NRXN1: variants seen among roughly 807,000 people sequenced by gnomAD.
NRXN1 encodes neurexin 1, also known as neurexin-1.
Under a neutral mutation model 150.9 loss-of-function variants are expected in NRXN1, and 39 were observed. The observed-to-expected ratio is 0.26, with a 90% CI of 0.20 to 0.34. The LOEUF is 0.34. Ranked by LOEUF, NRXN1 falls within the 10% of genes least tolerant of loss-of-function variation. The pLI, the probability that NRXN1 is intolerant of heterozygous loss-of-function variation, is 1.00. For synonymous variants in NRXN1, 924 were observed against 757.0 expected (o/e 1.22, Z -3.62); for missense variants, 1,815 against 1,949.9 (o/e 0.93, Z 1.30).
chr2:50,829,825 A>G, intron 5 of NRXN1: 1 of 1,357,962 alleles, frequency 7.4e-7, no homozygotes, highest in Non-Finnish European at 1.0e-6. Context: ...CATAATATAT[A>G]ACTTCTCTTT....
intron 17 of NRXN1, among the ~76,000 whole-genome samples, chr2:50,415,755 C>T (rs1320572153): frequency 6.6e-6 from 1 of 151,866 alleles, no homozygotes; most frequent in African/African-American, 2.4e-5. Context: ...CCTTATCACT[C>T]GTAGTTACAT....
intron 5 of NRXN1, among the ~76,000 whole-genome samples, chr2:50,692,258 T>C (rs1313107391): frequency 6.6e-6 from 1 of 152,192 alleles, no homozygotes; most frequent in Non-Finnish European, 1.5e-5. Flanking sequence ...TTGAATATGA[T>C]TAGAGATTGC....
At chr2:49,952,052 T>C (rs2104462317) in intron 21 of NRXN1, among the ~76,000 whole-genome samples, 1 of 152,070 alleles carries the variant, frequency 6.6e-6, no homozygotes, top group East Asian at 1.9e-4. Context: ...TTTTACATAT[T>C]GGGAAACTGA....
chr2:50,470,019 G>C (rs1386476389), intron 16 of NRXN1, among the ~76,000 whole-genome samples: 1 of 151,400 alleles, frequency 6.6e-6, no homozygotes, highest in African/African-American at 2.4e-5. Context: ...TTACATACCA[G>C]TGGTGGGGGT....
At chr2:50,091,697 T>C (rs575084213) in intron 18 of NRXN1, among the ~76,000 whole-genome samples, 2 of 152,328 alleles carry the variant, frequency 1.3e-5, no homozygotes, top group African/African-American at 4.8e-5. Context: ...GGATAATTGA[T>C]ATTCCAAAAG....
chr2:50,698,992 G>A (rs997677479), intron 5 of NRXN1, among the ~76,000 whole-genome samples: 6 of 152,032 alleles, frequency 3.9e-5, no homozygotes, highest in Non-Finnish European at 7.4e-5. Flanking sequence ...ACTACCAATT[G>A]ACAATAGTAT....
chr2:50,108,614 A>G (rs539775500), intron 18 of NRXN1, among the ~76,000 whole-genome samples: 8 of 152,132 alleles, frequency 5.3e-5, no homozygotes, highest in Admixed American at 2.0e-4. Context: ...GATAAATTCT[A>G]TAAAGGTATT....
At chr2:50,079,877 G>A (rs1477163113) in intron 19 of NRXN1, among the ~76,000 whole-genome samples, 1 of 152,016 alleles carries the variant, frequency 6.6e-6, no homozygotes, top group Admixed American at 6.6e-5. Flanking sequence ...ACGGTAATAT[G>A]GTAGTCTCCT....
chr2:50,244,187 ATAAAG>A (rs990645014), intron 17 of NRXN1, among the ~76,000 whole-genome samples: 7 of 152,036 alleles, frequency 4.6e-5, no homozygotes, highest in African/African-American at 1.2e-4. Context: ...GTACATGAAA[ATAAAG>A]TATTCATTCT....
chr2:50,678,000 C>A, intron 5 of NRXN1, among the ~76,000 whole-genome samples: 1 of 152,038 alleles, frequency 6.6e-6, no homozygotes, highest in South Asian at 2.1e-4. Flanking sequence ...TAAAAAAATT[C>A]TATCATCTTA....
chr2:50,270,015 G>C (rs960832146), intron 17 of NRXN1, among the ~76,000 whole-genome samples: 1 of 152,040 alleles, frequency 6.6e-6, no homozygotes, highest in Non-Finnish European at 1.5e-5. Flanking sequence ...AAATTAAAAA[G>C]CCCTATCTGC....
In NRXN1 at chr2:50,242,636, A is replaced by T. The variant is rs78600086; in HGVS notation, c.3365-5666T>A. Among the ~76,000 whole-genome samples, 666 of 151,880 alleles carry T rather than the reference A, an allele frequency of 4.4e-3. 7 individuals carry two copies. Among genetic ancestry groups the T allele is most frequent in the African/African-American group, 0.016 (651 of 41,522 alleles). Reference sequence around the variant, plus strand: ...CCACTTCTAGATTTAAAAATTAATTACAATAATTACTAATATTGAGAAGTA... The same window carrying T: ...CCACTTCTAGATTTAAAAATTAATTTCAATAATTACTAATATTGAGAAGTA... On this transcript the variant is annotated intron_variant, in intron 17 of 22. Transcript: ENST00000401669.
intron 17 of NRXN1, among the ~76,000 whole-genome samples, chr2:50,277,684 T>C (rs1271259313): frequency 6.6e-6 from 1 of 152,082 alleles, no homozygotes; most frequent in Non-Finnish European, 1.5e-5. Flanking sequence ...TGTCAGTTTG[T>C]AGCTGGACTG....
intron 17 of NRXN1, among the ~76,000 whole-genome samples, chr2:50,296,518 C>CTATTAT (rs70946899): frequency 0.55 from 82,003 of 147,842 alleles, 22,915 homozygotes; most frequent in Non-Finnish European, 0.57. Context: ...TGCTTAGCTT[C>CTATTAT]TATTATTATT....
intron 5 of NRXN1, among the ~76,000 whole-genome samples, chr2:50,778,412 C>T (rs989926130): frequency 7.1e-4 from 108 of 152,160 alleles, no homozygotes; most frequent in Non-Finnish European, 1.3e-4. Context: ...CCCCAGACTA[C>T]GAAAAAGAGT....
intron 5 of NRXN1, among the ~76,000 whole-genome samples, chr2:50,670,064 C>T (rs933862593): frequency 2.0e-5 from 3 of 151,584 alleles, no homozygotes; most frequent in Non-Finnish European, 4.4e-5. Context: ...CATATTGTCA[C>T]ACTGTATTCA....
At chr2:50,343,966 T>C (rs2077739513) in intron 17 of NRXN1, among the ~76,000 whole-genome samples, 1 of 152,216 alleles carries the variant, frequency 6.6e-6, no homozygotes, top group Non-Finnish European at 1.5e-5. Context: ...CTAAACCTCA[T>C]TTTCACTTGT....
intron 5 of NRXN1, among the ~76,000 whole-genome samples, chr2:50,906,901 G>T (rs1414618775): frequency 6.6e-6 from 1 of 151,960 alleles, no homozygotes; most frequent in East Asian, 1.9e-4. Flanking sequence ...ACCCTGGCAT[G>T]CTGAGTACTT....
intron 5 of NRXN1, among the ~76,000 whole-genome samples, chr2:50,689,768 T>C (rs1461682019): frequency 1.3e-5 from 2 of 152,186 alleles, no homozygotes; most frequent in Non-Finnish European, 2.9e-5. Flanking sequence ...AAAGGAGTTA[T>C]TTTGAAATGA....
Sources: allele counts gnomAD v4.1 joint callset (sites outside exome capture counted in the v4.1 genomes callset), GRCh38; gene constraint gnomAD v4.1.1; transcripts MANE v1.5; gene names NCBI Gene and HGNC (gene_info 2026-07-23, HGNC 2026-07-21).